Variants in DDR2 observed in about 807,000 individuals in gnomAD.
DDR2 encodes discoidin domain receptor tyrosine kinase 2, also known as discoidin domain-containing receptor 2.
In DDR2, 27 loss-of-function variants were observed where a neutral mutation model predicts 94.9. That is an observed-to-expected ratio of 0.28 (90% CI 0.21 to 0.39). The LOEUF is 0.39. Ranked by LOEUF, DDR2 falls within the 10% of genes least tolerant of loss-of-function variation. The pLI is 1.00. For missense variants in DDR2, 783 were observed against 1,076.0 expected (o/e 0.73, Z 3.81); for synonymous variants, 382 against 377.2 (o/e 1.01, Z -0.15).
intron 16 of DDR2, among the ~76,000 whole-genome samples, chr1:162,777,514 C>T (rs1289020264): frequency 1.3e-5 from 2 of 152,026 alleles, no homozygotes; most frequent in African/African-American, 4.8e-5. Flanking sequence ...TCTTTTTCAC[C>T]TATATATGTG....
chr1:162,729,296 A>ATTTTTTT (rs1271719479), intron 3 of DDR2, among the ~76,000 whole-genome samples: 2 of 33,034 alleles, frequency 6.1e-5, no homozygotes, highest in African/African-American at 7.5e-5. Flanking sequence ...ATATATATAT[A>ATTTTTTT]TATATTTTTT....
chr1:162,750,406 A>G (rs958467016), intron 3 of DDR2, among the ~76,000 whole-genome samples: 9 of 152,220 alleles, frequency 5.9e-5, no homozygotes, highest in African/African-American at 2.2e-4. Context: ...TGCTTCAAAG[A>G]GAATAAAATA....
intron 1 of DDR2, among the ~76,000 whole-genome samples, chr1:162,642,495 G>A (rs1657190555): frequency 7.0e-6 from 1 of 143,050 alleles, no homozygotes; most frequent in African/African-American, 2.6e-5. Flanking sequence ...TTTTCATGTT[G>A]ATTAGGCTGG....
intron 2 of DDR2, among the ~76,000 whole-genome samples, chr1:162,676,823 C>T (rs956252783): frequency 3.3e-5 from 5 of 152,186 alleles, no homozygotes; most frequent in African/African-American, 1.2e-4. Context: ...TGCCAAGTTG[C>T]ACAGCTAGAA....
chr1:162,728,805 G>C (rs556094213), intron 3 of DDR2, among the ~76,000 whole-genome samples: 1 of 152,012 alleles, frequency 6.6e-6, no homozygotes, highest in Admixed American at 6.6e-5. Context: ...CACGTGATAC[G>C]GTTACTAGAC....
At chr1:162,713,880 T>C (rs1373995965) in intron 2 of DDR2, among the ~76,000 whole-genome samples, 1 of 152,192 alleles carries the variant, frequency 6.6e-6, no homozygotes, top group Non-Finnish European at 1.5e-5. Flanking sequence ...GAAATTATGG[T>C]ATATGTATTT....
intron 1 of DDR2, among the ~76,000 whole-genome samples, chr1:162,645,995 G>A (rs779168591): frequency 3.3e-5 from 5 of 152,296 alleles, no homozygotes; most frequent in Admixed American, 1.3e-4. Context: ...TGCTCACAGC[G>A]TGAAGATGGC....
intron 3 of DDR2, among the ~76,000 whole-genome samples, chr1:162,730,579 G>A (rs1661990854): frequency 6.6e-6 from 1 of 152,160 alleles, no homozygotes; most frequent in African/African-American, 2.4e-5. Flanking sequence ...AAATGTATTG[G>A]CATGGGAGGA....
chr1:162,642,173 T>C (rs1419883047), intron 1 of DDR2, among the ~76,000 whole-genome samples: 1 of 152,104 alleles, frequency 6.6e-6, no homozygotes, highest in Non-Finnish European at 1.5e-5. Flanking sequence ...GCCAGGCTGG[T>C]CTTGAACTCC....
chr1:162,646,295 G>A (rs904987660), intron 1 of DDR2, among the ~76,000 whole-genome samples: 2 of 152,030 alleles, frequency 1.3e-5, no homozygotes, highest in African/African-American at 4.8e-5. Context: ...ATTAAATTTG[G>A]GCTCCACGGT....
chr1:162,746,992 C>T (rs1236131432), intron 3 of DDR2, among the ~76,000 whole-genome samples: 4 of 152,146 alleles, frequency 2.6e-5, no homozygotes, highest in Non-Finnish European at 5.9e-5. Context: ...AGGACATCCA[C>T]ACCAAAGCCC....
At position 162,761,373 on chromosome 1, in the gene DDR2, C is replaced by G; in HGVS notation, c.1018C>G (p.His340Asp). 6.2e-7 allele frequency: 1 copy of G among 1,614,200 alleles called. No homozygotes were observed. The highest frequency in any genetic ancestry group is 8.5e-7 in the Non-Finnish European group (1 of 1,180,034). Residue 340 changes from histidine (H) to aspartate (D), a missense_variant, in exon 9 of 18, where the codon CAC becomes GAC. His to Asp is a moderately conservative substitution (Grantham distance 81). Transcript: ENST00000367921. ...TCGGTTTGTCACGGTGCCTCTCCAC[C>G]ACCGAATGGCCAGTGCCATCAAGTG... ...SARFVTVPLHHRMASAIKCQY... is the reference protein window; with the variant it reads ...SARFVTVPLHDRMASAIKCQY...
intron 2 of DDR2, among the ~76,000 whole-genome samples, chr1:162,667,560 CAA>C (rs747824675): frequency 2.0e-5 from 3 of 152,132 alleles, no homozygotes; most frequent in Non-Finnish European, 2.9e-5. Flanking sequence ...CACACACAAA[CAA>C]GAAGCTCGAG....
chr1:162,645,018 A>G (rs956383458), intron 1 of DDR2, among the ~76,000 whole-genome samples: 38 of 152,206 alleles, frequency 2.5e-4, no homozygotes, highest in African/African-American at 9.2e-4. Context: ...TGGCTTTGCT[A>G]TTGGCAATGT....
chr1:162,745,576 G>A (rs1460287930), intron 3 of DDR2, among the ~76,000 whole-genome samples: 2 of 151,780 alleles, frequency 1.3e-5, no homozygotes, highest in African/African-American at 2.4e-5. Flanking sequence ...ATTTATTAAT[G>A]AGATTTTTTT....
rs78587712 is a variant in DDR2 at position 162,728,444 on chromosome 1, G to A, written c.82+9299G>A. ...CAGAGGCACAAATAGAAAAACAAGA[G>A]TGAGGATAGTGATTATTGAGGGGTC... On this transcript the variant is annotated intron_variant, in intron 3 of 17. Coordinates refer to ENST00000367921, the MANE Select transcript of DDR2 (RefSeq NM_006182.4). Among the ~76,000 whole-genome samples the A allele has an allele frequency of 0.01, 1,575 of 152,022 alleles. 103 individuals are homozygous for A. The East Asian group carries it at 0.17, about 16-fold the overall frequency.
chr1:162,761,270 C>T lies in DDR2; in HGVS notation c.915C>T (p.Tyr305=). 1 of 1,614,162 alleles carries T rather than the reference C, an allele frequency of 6.2e-7. No homozygotes were observed. The part of the protein sequence containing the change: ...GVKIFKEVQC[Y]FRSEASEWEP... ...AGATCTTTAAGGAGGTACAGTGCTA[C>T]TTCCGCTCTGAAGCCAGTGAGTGGG... Residue 305 remains tyrosine (Y), a synonymous_variant, in exon 9 of 18, where the codon TAC becomes TAT. Transcript: ENST00000367921.
intron 1 of DDR2, among the ~76,000 whole-genome samples, chr1:162,644,629 C>T (rs562119859): frequency 1.1e-4 from 16 of 150,610 alleles, no homozygotes; most frequent in Admixed American, 3.3e-4. Flanking sequence ...GACAGAGTCT[C>T]GCTCTGTTGC....
chr1:162,702,564 A>G (rs1369814581), intron 2 of DDR2, among the ~76,000 whole-genome samples: 1 of 152,202 alleles, frequency 6.6e-6, no homozygotes, highest in East Asian at 1.9e-4. Flanking sequence ...GTGAACCTAA[A>G]TGTAATTGGT....
Sources: allele counts gnomAD v4.1 joint callset (sites outside exome capture counted in the v4.1 genomes callset), GRCh38; gene constraint gnomAD v4.1.1; transcripts MANE v1.5; gene names NCBI Gene and HGNC (gene_info 2026-07-23, HGNC 2026-07-21).